The following CFAP299 variants were observed in gnomAD, a reference collection of about 807,000 sequenced individuals.
CFAP299 encodes the protein cilia and flagella associated protein 299, also known as cilia- and flagella-associated protein 299.
In CFAP299, 21 loss-of-function variants were observed where a neutral mutation model predicts 27.0. The ratio of observed to expected loss-of-function variants is 0.78; its 90% CI spans 0.55 to 1.12. CFAP299 has a LOEUF of 1.12. CFAP299 is among the 50% of genes most tolerant of loss of function. The pLI is 0.00. For synonymous variants in CFAP299, 104 were observed against 98.1 expected (o/e 1.06, Z -0.36); for missense variants, 310 against 276.6 (o/e 1.12, Z -0.86).
chr4:80,783,242 T>A (rs1032891822), intron 3 of CFAP299, among the ~76,000 whole-genome samples: 3 of 152,106 alleles, frequency 2.0e-5, no homozygotes, highest in African/African-American at 7.2e-5. Flanking sequence ...TCAATCTCTT[T>A]TATGCTCAGA....
intron 5 of CFAP299, among the ~76,000 whole-genome samples, chr4:80,955,441 G>A (rs1738018705): frequency 6.6e-6 from 1 of 152,156 alleles, no homozygotes; most frequent in African/African-American, 2.4e-5. Context: ...CACAGAGTAG[G>A]TGCTCAATGA....
Position 80,382,761 on chromosome 4 carries a change from G to A in CFAP299, c.242+19877G>A, listed in dbSNP as rs151222615. 5.3e-5 allele frequency among the ~76,000 whole-genome samples: 8 copies of A among 152,224 alleles called. No individual in the cohort carries two copies. In the East Asian group the frequency reaches 1.2e-3, roughly 22 times the overall value. On this transcript the variant is annotated intron_variant, in intron 2 of 5. Coordinates refer to ENST00000358105, the MANE Select transcript of CFAP299 (RefSeq NM_152770.3). ...TAGTTCAACCATTGTGGAAAGCCTC[G>A]TGGCAATTCCTCAACAAGCTAAAAA...
intron 2 of CFAP299, among the ~76,000 whole-genome samples, chr4:80,539,763 A>G (rs1733913127): frequency 6.6e-6 from 1 of 152,198 alleles, no homozygotes; most frequent in Non-Finnish European, 1.5e-5. Flanking sequence ...GAATCTAAGA[A>G]AACACATTTT....
chr4:80,536,765 G>T (rs910529383), intron 2 of CFAP299, among the ~76,000 whole-genome samples: 2 of 152,074 alleles, frequency 1.3e-5, no homozygotes, highest in African/African-American at 2.4e-5. Flanking sequence ...ATGGTTCAAA[G>T]GAAACATAGA....
chr4:80,475,294 G>T (rs553374895), intron 2 of CFAP299, among the ~76,000 whole-genome samples: 4 of 152,306 alleles, frequency 2.6e-5, no homozygotes, highest in African/African-American at 7.2e-5. Context: ...CAGATTATGG[G>T]GAGAAATAGA....
At chr4:80,371,318 AG>A (rs1241343246) in intron 2 of CFAP299, among the ~76,000 whole-genome samples, 1 of 152,144 alleles carries the variant, frequency 6.6e-6, no homozygotes, top group Non-Finnish European at 1.5e-5. Context: ...GCTGCCACGA[AG>A]GTCTCTGGAA....
chr4:80,519,819 G>GTA (rs1732812558), intron 2 of CFAP299, among the ~76,000 whole-genome samples: 1 of 152,056 alleles, frequency 6.6e-6, no homozygotes, highest in African/African-American at 2.4e-5. Flanking sequence ...CTTAAACCTT[G>GTA]GGTACATAAA....
chr4:80,560,777 G>A (rs1045453873), intron 2 of CFAP299, among the ~76,000 whole-genome samples: 1 of 152,104 alleles, frequency 6.6e-6, no homozygotes, highest in African/African-American at 2.4e-5. Context: ...TGTGGTCTGA[G>A]TGCCAGCTCA....
At chr4:80,531,752 T>G (rs1733478858) in intron 2 of CFAP299, among the ~76,000 whole-genome samples, 1 of 126,302 alleles carries the variant, frequency 7.9e-6, no homozygotes, top group Admixed American at 7.5e-5. Context: ...TAGAAGTTTT[T>G]TTTTTTTTTT....
chr4:80,944,669 C>G, intron 4 of CFAP299, 141 bp from the exon 5 acceptor site: 2 of 615,426 alleles, frequency 3.2e-6, no homozygotes, highest in South Asian at 2.3e-5. Flanking sequence ...GAATTTTAAT[C>G]TCAAATGTGT....
At chr4:80,606,695 A>G (rs1243827166) in intron 3 of CFAP299, among the ~76,000 whole-genome samples, 1 of 152,168 alleles carries the variant, frequency 6.6e-6, no homozygotes, top group Non-Finnish European at 1.5e-5. Flanking sequence ...CTCTTTTCAT[A>G]TAACAACATA....
chr4:80,782,195 ATCT>A (rs1274438676), intron 3 of CFAP299, among the ~76,000 whole-genome samples: 3 of 152,018 alleles, frequency 2.0e-5, no homozygotes, highest in Non-Finnish European at 2.9e-5. Context: ...AAAGTGAGAC[ATCT>A]TCTTTTCCAC....
Position 80,631,264 on chromosome 4 carries a change from T to G in CFAP299, c.333+48081T>G, listed in dbSNP as rs551012892. Among the ~76,000 whole-genome samples, 15 of 152,168 alleles carry G rather than the reference T, an allele frequency of 9.9e-5. No individual in the cohort carries two copies. In the South Asian group the frequency reaches 3.1e-3, roughly 32 times the overall value. The stretch of plus-strand genomic sequence containing the variant: ...AATTTATTTTTATAAGAAACATTTG[T>G]TGGTATAGCATTATATAATTCATGT... On this transcript the variant is annotated intron_variant, in intron 3 of 5. Transcript: ENST00000358105.
At chr4:80,460,879 T>C (rs916980836) in intron 2 of CFAP299, among the ~76,000 whole-genome samples, 3 of 152,152 alleles carry the variant, frequency 2.0e-5, no homozygotes, top group African/African-American at 7.2e-5. Context: ...GAATGACCAA[T>C]GGCTCATAAC....
At chr4:80,638,061 A>G (rs967820110) in intron 3 of CFAP299, among the ~76,000 whole-genome samples, 18 of 152,220 alleles carry the variant, frequency 1.2e-4, no homozygotes, top group African/African-American at 4.3e-4. Flanking sequence ...AAGTGTTCAG[A>G]GTTCAAGGAG....
intron 3 of CFAP299, among the ~76,000 whole-genome samples, chr4:80,746,115 A>G (rs1724571988): frequency 6.6e-6 from 1 of 152,028 alleles, no homozygotes; most frequent in African/African-American, 2.4e-5. Flanking sequence ...GAGAGGCAAA[A>G]GAGACCTATA....
rs1365051527 is a variant in CFAP299 at position 80,800,243 on chromosome 4, T to C, written c.334-69750T>C. ...TTATAATATATAATAAATAATATAA[T>C]ATATAATATATATTATATAAATAAA... On this transcript the variant is annotated intron_variant, in intron 3 of 5. Coordinates refer to ENST00000358105, the MANE Select transcript of CFAP299 (RefSeq NM_152770.3). Among the ~76,000 whole-genome samples the C allele has an allele frequency of 6.8e-4, 47 of 69,194 alleles. 1 individual carries two copies. Among genetic ancestry groups the C allele is most frequent in the African/African-American group, 2.9e-3 (45 of 15,666 alleles). The allele number at this position is 69,194 out of a possible 152,430, so 45.4% of individuals were successfully genotyped here.
intron 2 of CFAP299, among the ~76,000 whole-genome samples, chr4:80,462,013 C>T (rs1228676094): frequency 6.6e-6 from 1 of 152,104 alleles, no homozygotes; most frequent in Admixed American, 6.6e-5. Context: ...CGCTTGGATT[C>T]TAATCTCATT....
At chr4:80,576,890 C>T (rs1203250855) in intron 2 of CFAP299, among the ~76,000 whole-genome samples, 3 of 152,128 alleles carry the variant, frequency 2.0e-5, no homozygotes, top group East Asian at 1.9e-4. Flanking sequence ...TACCTTTGAA[C>T]AGAACAGTTG....
Sources: allele counts gnomAD v4.1 joint callset (sites outside exome capture counted in the v4.1 genomes callset), GRCh38; gene constraint gnomAD v4.1.1; transcripts MANE v1.5; gene names NCBI Gene and HGNC (gene_info 2026-07-23, HGNC 2026-07-21).